The following UNC13C variants were observed in gnomAD, a reference collection of about 807,000 sequenced individuals.
The protein encoded by UNC13C is protein unc-13 homolog C.
Under a neutral mutation model 245.4 loss-of-function variants are expected in UNC13C, and 174 were observed. The observed-to-expected ratio is 0.71, with a 90% CI of 0.63 to 0.80. The LOEUF is 0.80. UNC13C is among the 30% of genes least tolerant of loss of function. The pLI is 0.00. For missense variants in UNC13C, 2,829 were observed against 2,602.9 expected, an observed-to-expected ratio of 1.09 and a Z score of -1.89; for synonymous variants, 992 against 895.1, an observed-to-expected ratio of 1.11 and a Z score of -1.93.
intron 2 of UNC13C, among the ~76,000 whole-genome samples, chr15:54,088,201 CTTTTTTT>C (rs59075201): frequency 0.5 from 53,074 of 105,334 alleles, 12,676 homozygotes; most frequent in Non-Finnish European, 0.6. Flanking sequence ...CTTCCTTTTC[CTTTTTTT>C]TTTTTTTTTT....
intron 18 of UNC13C, among the ~76,000 whole-genome samples, chr15:54,399,456 GT>G (rs1479983903): frequency 6.6e-6 from 1 of 151,576 alleles, no homozygotes; most frequent in Non-Finnish European, 1.5e-5. Context: ...ATATTACTTT[GT>G]TTTTGTTATG....
At position 54,012,999 on chromosome 15, in the gene UNC13C, C is replaced by G; in HGVS notation, c.96C>G (p.Asn32Lys). The change falls in exon 2 of 33, where the codon AAC becomes AAG. Residue 32 changes from asparagine to lysine, a missense_variant. Coordinates refer to ENST00000260323, the MANE Select transcript of UNC13C (RefSeq NM_001080534.3). ...FTKKLGNTNK[N>K]KEYRQQKKDQ... ...AGAAATTGGGAAATACAAACAAAAA[C>G]AAAGAGTATCGTCAGCAGAAAAAGG... 5 of 1,613,770 alleles carry G rather than the reference C, an allele frequency of 3.1e-6. No homozygotes were observed. Among genetic ancestry groups the G allele is most frequent in the Non-Finnish European group, 4.2e-6 (5 of 1,179,784 alleles).
Position 54,602,860 on chromosome 15 carries a change from C to T in UNC13C, c.6107-19467C>T, listed in dbSNP as rs139211351. On this transcript the variant is annotated intron_variant, in intron 30 of 32. Transcript: ENST00000260323. ...TTTCACTTGTTCATTTTCTTTTAAA[C>T]GTGATGTCTTTTAAAGTCCCTTTCA... 0.03 allele frequency among the ~76,000 whole-genome samples: 306 copies of T among 10,102 alleles called. 2 individuals are homozygous for T. In the African/African-American group the frequency reaches 0.36, roughly 12 times the overall value. 6.6% of individuals were successfully genotyped at this position (10,102 alleles called of 152,430 possible).
At chr15:54,075,436 GCTTGCAGTGAGCCGGA>G (rs1898550228) in intron 2 of UNC13C, among the ~76,000 whole-genome samples, 2 of 113,222 alleles carry the variant, frequency 1.8e-5, no homozygotes, top group African/African-American at 5.4e-5. Context: ...GTGAGCCGGA[GCTTGCAGTGAGCCGGA>G]GCTTGCAGTG....
chr15:54,608,719 G>A (rs1276684031), intron 30 of UNC13C, among the ~76,000 whole-genome samples: 1 of 152,026 alleles, frequency 6.6e-6, no homozygotes, highest in African/African-American at 2.4e-5. Context: ...AAACACTGAG[G>A]GTTTATTGCA....
At chr15:54,553,823 T>C (rs971662832) in intron 28 of UNC13C, among the ~76,000 whole-genome samples, 2 of 136,916 alleles carry the variant, frequency 1.5e-5, no homozygotes, top group African/African-American at 4.9e-5. Context: ...GACCACATTG[T>C]TAAACCAGTC....
the UNC13C span, among the ~76,000 whole-genome samples, chr15:53,951,279 A>AT: frequency 2.6e-5 from 4 of 152,212 alleles, no homozygotes; most frequent in African/African-American, 9.6e-5. Context: ...GGTATATTGA[A>AT]TTCCAACTTG....
intron 4 of UNC13C, among the ~76,000 whole-genome samples, chr15:54,165,646 A>T (rs886900058): frequency 5.3e-5 from 8 of 151,994 alleles, no homozygotes; most frequent in African/African-American, 1.4e-4. Context: ...TTTAATCAGC[A>T]TTTTGACATC....
chr15:53,900,867 A>G, the UNC13C span, among the ~76,000 whole-genome samples: 39 of 152,250 alleles, frequency 2.6e-4, no homozygotes, highest in Middle Eastern at 3.4e-3. Flanking sequence ...TAGGCACTTC[A>G]TGCTCCCTGT....
intron 29 of UNC13C, among the ~76,000 whole-genome samples, chr15:54,556,938 A>G (rs1044107209): frequency 6.6e-6 from 1 of 151,898 alleles, no homozygotes; most frequent in Non-Finnish European, 1.5e-5. Flanking sequence ...TAACTTCAAC[A>G]TTTCTCTAAT....
At chr15:54,353,474 A>G (rs1216880373) in intron 17 of UNC13C, among the ~76,000 whole-genome samples, 1 of 152,170 alleles carries the variant, frequency 6.6e-6, no homozygotes, top group East Asian at 1.9e-4. Context: ...TCTTACTTTC[A>G]TTTAAAATCC....
chr15:53,890,037 G>A, the UNC13C span, among the ~76,000 whole-genome samples: 1 of 152,010 alleles, frequency 6.6e-6, no homozygotes, highest in Non-Finnish European at 1.5e-5. Flanking sequence ...GTCTCTGCCA[G>A]GTTTTGGTAT....
chr15:54,607,881 G>C (rs953863738), intron 30 of UNC13C, among the ~76,000 whole-genome samples: 2 of 152,070 alleles, frequency 1.3e-5, no homozygotes, highest in African/African-American at 2.4e-5. Flanking sequence ...CCAACACTGG[G>C]GATTACAATT....
chr15:54,234,911 T>A (rs981245385), intron 4 of UNC13C, 119 bp from the exon 5 acceptor site: 1 of 837,574 alleles, frequency 1.2e-6, no homozygotes, highest in Non-Finnish European at 1.9e-6. Context: ...TGTGAATCGT[T>A]TGAAAACTAT....
At chr15:54,517,481 T>C (rs1895030787) in intron 24 of UNC13C, among the ~76,000 whole-genome samples, 1 of 152,232 alleles carries the variant, frequency 6.6e-6, no homozygotes. Context: ...TGTAAGGAAC[T>C]TGGTAAAACA....
chr15:54,393,160 C>A lies in UNC13C; in HGVS notation c.4826C>A (p.Ala1609Asp). ...ACTATTATTGATGAGGATAAAACTG[C>A]CTACACACCTGTCCTGAATCAGTAA... ...MVTIIDEDKT[A>D]YTPVLNQFPQ... Residue 1609 changes from alanine to aspartate, a missense_variant, in exon 18 of 33, where the codon GCC (alanine) becomes GAC (aspartate). Transcript: ENST00000260323. The A allele has an allele frequency of 6.3e-7, 1 of 1,597,272 alleles. No individual in the cohort carries two copies. Among genetic ancestry groups the A allele is most frequent in the South Asian group, 1.1e-5 (1 of 87,996 alleles).
At chr15:54,354,532 A>G (rs181487076) in intron 17 of UNC13C, among the ~76,000 whole-genome samples, 38 of 152,284 alleles carry the variant, frequency 2.5e-4, no homozygotes, top group Middle Eastern at 3.4e-3. Context: ...TCTTCCAGGT[A>G]TTTGGAAGCA....
the UNC13C span, chr15:53,948,469 C>G: frequency 3.7e-3 from 559 of 152,128 alleles, 8 homozygotes; most frequent in African/African-American, 0.013. Flanking sequence ...ACAAAATTAG[C>G]TGGGTGTGGT....
intron 17 of UNC13C, among the ~76,000 whole-genome samples, chr15:54,385,649 AG>A (rs1025523356): frequency 9.2e-5 from 14 of 152,118 alleles, no homozygotes; most frequent in African/African-American, 3.4e-4. Flanking sequence ...ATAGCAGACT[AG>A]GGTTACTATA....
Sources: allele counts gnomAD v4.1 joint callset (sites outside exome capture counted in the v4.1 genomes callset), GRCh38; gene constraint gnomAD v4.1.1; transcripts MANE v1.5; gene names NCBI Gene and HGNC (gene_info 2026-07-23, HGNC 2026-07-21).